The following XPO4 variants were observed in gnomAD, a reference collection of about 807,000 sequenced individuals.
The protein encoded by XPO4 is exportin-4.
In XPO4, 39 loss-of-function variants were observed where a neutral mutation model predicts 143.0. The ratio of observed to expected loss-of-function variants is 0.27; its 90% confidence interval spans 0.21 to 0.36. The LOEUF is 0.36. Ranked by LOEUF, XPO4 falls within the 10% of genes least tolerant of loss-of-function variation. The pLI is 1.00. For synonymous variants in XPO4, 439 were observed against 474.0 expected, an observed-to-expected ratio of 0.93 and a Z score of 0.96; for missense variants, 907 against 1,348.0, an observed-to-expected ratio of 0.67 and a Z score of 5.12.
intron 9 of XPO4, among the ~76,000 whole-genome samples, chr13:20,818,473 T>G (rs1356055610): frequency 6.6e-6 from 1 of 152,180 alleles, no homozygotes; most frequent in African/African-American, 2.4e-5. Context: ...TGAATTGCTA[T>G]TAAAAAAGAT....
chr13:20,847,425 C>A (rs2060038925), intron 4 of XPO4, among the ~76,000 whole-genome samples: 1 of 152,014 alleles, frequency 6.6e-6, no homozygotes, highest in Non-Finnish European at 1.5e-5. Flanking sequence ...CAAGGGAGAA[C>A]AGAGGACAGC....
intron 18 of XPO4, 145 bp downstream of exon 18, chr13:20,795,931 A>T: frequency 1.2e-6 from 1 of 838,828 alleles, no homozygotes; most frequent in Non-Finnish European, 1.8e-6. Flanking sequence ...ACTGGTCCTC[A>T]CCCTCACTTT....
Position 20,799,233 on chromosome 13 carries a change from T to C in XPO4, c.2254A>G (p.Met752Val). 1.2e-6 allele frequency: 2 copies of C among 1,613,776 alleles called. No homozygotes were observed. Among genetic ancestry groups the C allele is most frequent in the Non-Finnish European group, 1.7e-6 (2 of 1,179,724 alleles). Reference protein sequence around the residue: ...FLSSPVQRTLMKALVLGGFAH... With the variant: ...FLSSPVQRTLVKALVLGGFAH... Reference sequence around the variant, plus strand: ...AAACCTCCTAAGACTAGAGCCTTCATCAATGTCCTCTGCACAGGACTTGAC... The same window carrying C: ...AAACCTCCTAAGACTAGAGCCTTCACCAATGTCCTCTGCACAGGACTTGAC... The change falls in exon 16 of 23, where the codon ATG becomes GTG. Residue 752 changes from methionine to valine, a missense_variant. Physicochemically the swap from Met to Val is conservative, Grantham distance 21. Coordinates refer to ENST00000255305, the MANE Select transcript of XPO4 (RefSeq NM_022459.5).
intron 6 of XPO4, among the ~76,000 whole-genome samples, chr13:20,842,029 T>TA (rs1184370328): frequency 6.6e-6 from 1 of 152,168 alleles, no homozygotes; most frequent in Non-Finnish European, 1.5e-5. Flanking sequence ...TCACGGAGGC[T>TA]ATTAAGAGCT....
In XPO4 at chr13:20,787,069, T is replaced by A. The variant is rs1355406638; in HGVS notation, c.3166-12A>T. ...ATATCAAAAACCAGCTGAAATTACA[T>A]AAGACTTCTAAATAAAAACATAGGA... On this transcript the variant is annotated splice_polypyrimidine_tract_variant and intron_variant, in intron 21 of 22. Transcript: ENST00000255305. 1 of 1,554,298 alleles carries A rather than the reference T, an allele frequency of 6.4e-7. No homozygotes were observed. Among genetic ancestry groups the A allele is most frequent in the Non-Finnish European group, 8.7e-7 (1 of 1,147,632 alleles).
intron 13 of XPO4, among the ~76,000 whole-genome samples, chr13:20,802,433 T>C (rs2137856543): frequency 6.6e-6 from 1 of 152,264 alleles, no homozygotes; most frequent in South Asian, 2.1e-4. Context: ...AGGGGGTATA[T>C]GAACAACAAC....
intron 1 of XPO4, among the ~76,000 whole-genome samples, chr13:20,876,591 CAT>C (rs2060355727): frequency 6.6e-6 from 1 of 152,026 alleles, no homozygotes; most frequent in African/African-American, 2.4e-5. Flanking sequence ...AGGAAGAAAA[CAT>C]AGGAAAGTAT....
chr13:20,852,469 A>G (rs1395496952), intron 4 of XPO4: 1 of 985,290 alleles, frequency 1.0e-6, no homozygotes, highest in African/African-American at 1.7e-5. Flanking sequence ...CATGGCCATT[A>G]GTTTGGAAGC....
rs749819722 is a variant in XPO4, at chr13:20,787,542, T to C, written c.3104A>G (p.Gln1035Arg). ...CLEALTPLAE[Q>R]CAKAQETDSP... The stretch of plus-strand genomic sequence containing the variant: ...GTCTGTTTCTTGTGCTTTTGCACAC[T>C]GTTCAGCTAACGGTGTCAAGGCCTC... Residue 1035 changes from glutamine to arginine, a missense_variant, in exon 21 of 23, where the codon CAG (glutamine) becomes CGG (arginine). Transcript: ENST00000255305. 1.9e-6 allele frequency: 3 copies of C among 1,614,154 alleles called. No homozygotes were observed. Among genetic ancestry groups the C allele is most frequent in the Non-Finnish European group, 1.7e-6 (2 of 1,180,054 alleles).
chr13:20,785,337 G>A (rs1047490106), intron 22 of XPO4, among the ~76,000 whole-genome samples: 1 of 152,166 alleles, frequency 6.6e-6, no homozygotes, highest in African/African-American at 2.4e-5. Context: ...CTGTTCACAG[G>A]GGACCAAGTA....
At chr13:20,800,482 A>G (rs1193349571) in intron 14 of XPO4, among the ~76,000 whole-genome samples, 157 bp from the exon 15 acceptor site, 1 of 152,168 alleles carries the variant, frequency 6.6e-6, no homozygotes, top group Non-Finnish European at 1.5e-5. Context: ...GTCAAAAAAA[A>G]AGACATCCTC....
chr13:20,894,850 A>G (rs2060552676), intron 1 of XPO4, among the ~76,000 whole-genome samples: 2 of 59,560 alleles, frequency 3.4e-5, no homozygotes, highest in African/African-American at 8.0e-5. Context: ...ATCTCAAAGA[A>G]AAAAAAAAAA....
Position 20,800,269 on chromosome 13 carries a change from T to G in XPO4, c.2034A>C (p.Ile678=). The change falls in exon 15 of 23, where the codon ATA becomes ATC. Residue 678 remains isoleucine (I), a synonymous_variant. Transcript: ENST00000255305. ...FGADTEGSQW[I]IGYLLQKVIS... ...TGACTTTTTGTAAGAGGTAGCCAATTATCCACTGAGAACCCTCTGTATCTG... is the reference window on the plus strand; with the variant it reads ...TGACTTTTTGTAAGAGGTAGCCAATGATCCACTGAGAACCCTCTGTATCTG... 6.2e-7 allele frequency: 1 copy of G among 1,614,056 alleles called. No individual in the cohort carries two copies.
intron 1 of XPO4, among the ~76,000 whole-genome samples, chr13:20,884,566 C>T (rs141768213): frequency 6.6e-6 from 1 of 152,066 alleles, no homozygotes; most frequent in Non-Finnish European, 1.5e-5. Flanking sequence ...CATGACACCA[C>T]ACCTGGCTAA....
At position 20,780,553 on chromosome 13, in the gene XPO4, GA is replaced by G. The variant is rs1483378735; in HGVS notation, c.*3168del. On this transcript the variant is annotated 3_prime_UTR_variant, in exon 23 of 23. Transcript: ENST00000255305. ...TGATATAGATACTTGCTTTTCAAATGAAAATCATGGACAAGTGGTAGTAACC... is the reference window on the plus strand; with the variant it reads ...TGATATAGATACTTGCTTTTCAAATGAAATCATGGACAAGTGGTAGTAACC... The G allele has an allele frequency of 6.6e-6, 1 of 152,138 alleles. No individual in the cohort carries two copies. The highest frequency in any genetic ancestry group is 1.5e-5 in the Non-Finnish European group (1 of 68,028). 9.4% of individuals were successfully genotyped at this position (152,138 alleles called of 1,614,324 possible).
intron 6 of XPO4, among the ~76,000 whole-genome samples, chr13:20,837,449 G>C (rs924622194): frequency 6.6e-6 from 1 of 151,758 alleles, no homozygotes; most frequent in Non-Finnish European, 1.5e-5. Flanking sequence ...CCTCAGGCTA[G>C]AGGTAGAGTG....
intron 1 of XPO4, chr13:20,879,225 C>T: frequency 4.1e-6 from 4 of 985,292 alleles, no homozygotes; most frequent in Non-Finnish European, 4.8e-6. Flanking sequence ...GATATCCCTC[C>T]ACATAAAGCT....
chr13:20,896,206 GT>G (rs1727487309), intron 1 of XPO4, among the ~76,000 whole-genome samples: 2 of 152,192 alleles, frequency 1.3e-5, no homozygotes, highest in African/African-American at 4.8e-5. Context: ...GCTACATCAA[GT>G]CCCCAAACCC....
chr13:20,820,501 G>A (rs1372698766), intron 9 of XPO4, among the ~76,000 whole-genome samples: 1 of 152,208 alleles, frequency 6.6e-6, no homozygotes, highest in East Asian at 1.9e-4. Flanking sequence ...AGGAATTCAT[G>A]TTAAATAAAA....
Sources: gnomAD v4.1 joint callset for allele counts (sites outside exome capture counted in the v4.1 genomes callset) on GRCh38, gnomAD v4.1.1 for gene constraint, MANE v1.5 for transcripts, NCBI Gene and HGNC (gene_info 2026-07-23, HGNC 2026-07-21) for gene names.